The following PCDH9 variants were observed in gnomAD, a reference collection of about 807,000 sequenced individuals.
PCDH9 encodes protocadherin 9.
PCDH9 carries 24 observed loss-of-function variants against 70.6 expected under a neutral mutation model. The observed-to-expected ratio is 0.34, with a 90% CI of 0.25 to 0.48. PCDH9 has a LOEUF of 0.48. PCDH9 is among the 20% of genes least tolerant of loss of function. The pLI is 0.99. For synonymous variants in PCDH9, 562 were observed against 558.5 expected, an observed-to-expected ratio of 1.01 and a Z score of -0.09; for missense variants, 1,281 against 1,503.6, an observed-to-expected ratio of 0.85 and a Z score of 2.45.
At chr13:66,359,756 G>T (rs1956438203) in intron 4 of PCDH9, among the ~76,000 whole-genome samples, 1 of 151,942 alleles carries the variant, frequency 6.6e-6, no homozygotes, top group South Asian at 2.1e-4. Context: ...TGGAAACAAA[G>T]GGCCGTCTTT....
rs2080421456 is a variant in PCDH9 at position 66,807,022 on chromosome 13, C to T, written c.3138+96482G>A. Among the ~76,000 whole-genome samples, 3 of 152,048 alleles carry T rather than the reference C, an allele frequency of 2.0e-5. No individual in the cohort carries two copies. In the South Asian group the frequency reaches 6.2e-4, roughly 32 times the overall value. On this transcript the variant is annotated intron_variant, in intron 3 of 4. Coordinates refer to ENST00000377865, the MANE Select transcript of PCDH9 (RefSeq NM_203487.3). Reference sequence around the variant, plus strand: ...GCAGGCACTTTACTGCTACTTTTTCCTAAAAAATGTAGATATAAGCTCCAC... The same window carrying T: ...GCAGGCACTTTACTGCTACTTTTTCTTAAAAAATGTAGATATAAGCTCCAC...
intron 4 of PCDH9, among the ~76,000 whole-genome samples, chr13:66,596,045 A>G (rs922506496): frequency 5.3e-5 from 8 of 151,730 alleles, no homozygotes; most frequent in African/African-American, 1.4e-4. Flanking sequence ...AGATCATTTA[A>G]CAATAATTTG....
chr13:66,956,389 T>A (rs2083265552), intron 2 of PCDH9, among the ~76,000 whole-genome samples: 1 of 152,082 alleles, frequency 6.6e-6, no homozygotes, highest in Non-Finnish European at 1.5e-5. Flanking sequence ...AGGCTTAAAT[T>A]AAGTATTTTT....
intron 4 of PCDH9, among the ~76,000 whole-genome samples, chr13:66,494,326 T>C (rs1043400894): frequency 6.6e-6 from 1 of 152,164 alleles, no homozygotes; most frequent in Non-Finnish European, 1.5e-5. Flanking sequence ...GACAAGATAC[T>C]GAAACATTCT....
At chr13:66,381,233 C>A (rs1384842205) in intron 4 of PCDH9, among the ~76,000 whole-genome samples, 1 of 152,108 alleles carries the variant, frequency 6.6e-6, no homozygotes, top group East Asian at 1.9e-4. Flanking sequence ...AAAATTACAT[C>A]TTATAAAGAG....
chr13:66,493,733 C>T (rs1015169459), intron 4 of PCDH9, among the ~76,000 whole-genome samples: 6 of 152,062 alleles, frequency 3.9e-5, no homozygotes, highest in African/African-American at 1.4e-4. Context: ...GTGTTAGGCA[C>T]TGATATAATC....
intron 2 of PCDH9, chr13:67,211,602 A>G (rs957165368): frequency 6.6e-6 from 1 of 152,110 alleles, no homozygotes; most frequent in Non-Finnish European, 1.5e-5. Context: ...GTAATAGCCG[A>G]ATTATGACAT....
chr13:67,119,874 G>C (rs1594537981), intron 2 of PCDH9, among the ~76,000 whole-genome samples: 1 of 152,204 alleles, frequency 6.6e-6, no homozygotes, highest in South Asian at 2.1e-4. Flanking sequence ...GTCATGAGTA[G>C]GCTGGGCTGG....
chr13:66,653,084 G>C (rs780191035), intron 3 of PCDH9, among the ~76,000 whole-genome samples: 4 of 152,100 alleles, frequency 2.6e-5, no homozygotes, highest in Admixed American at 6.5e-5. Flanking sequence ...AGTGGTATGG[G>C]CAAAGATTTC....
At chr13:66,751,059 C>T (rs1014077757) in intron 3 of PCDH9, among the ~76,000 whole-genome samples, 1 of 152,118 alleles carries the variant, frequency 6.6e-6, no homozygotes, top group Non-Finnish European at 1.5e-5. Context: ...CATTCTCATG[C>T]TTTTACTTAA....
intron 2 of PCDH9, among the ~76,000 whole-genome samples, chr13:66,929,373 G>C (rs2082769185): frequency 6.6e-6 from 1 of 151,710 alleles, no homozygotes; most frequent in African/African-American, 2.4e-5. Context: ...GCCCAGGCTT[G>C]AGTGCAATGG....
At chr13:66,941,943 A>G (rs370889050) in intron 2 of PCDH9, among the ~76,000 whole-genome samples, 1 of 152,080 alleles carries the variant, frequency 6.6e-6, no homozygotes, top group African/African-American at 2.4e-5. Context: ...TTCCTAAATT[A>G]AAAAAGTAAC....
chr13:67,046,727 C>A (rs1044619682), intron 2 of PCDH9, among the ~76,000 whole-genome samples: 4 of 151,620 alleles, frequency 2.6e-5, no homozygotes, highest in South Asian at 2.1e-4. Flanking sequence ...AATGACTATG[C>A]CATAATATAT....
At chr13:66,408,350 T>C (rs1407573230) in intron 4 of PCDH9, among the ~76,000 whole-genome samples, 3 of 152,228 alleles carry the variant, frequency 2.0e-5, no homozygotes, top group African/African-American at 7.2e-5. Context: ...ACTGAGGAAT[T>C]GTCTCCATTC....
intron 2 of PCDH9, among the ~76,000 whole-genome samples, chr13:67,063,434 ATACT>A (rs1323098675): frequency 2.0e-5 from 3 of 152,044 alleles, no homozygotes; most frequent in African/African-American, 7.2e-5. Context: ...CATAATTTTA[ATACT>A]TACAATAACT....
intron 2 of PCDH9, among the ~76,000 whole-genome samples, chr13:67,052,333 T>A (rs1269064078): frequency 1.3e-5 from 2 of 151,892 alleles, no homozygotes; most frequent in African/African-American, 4.8e-5. Flanking sequence ...GGGAGATGAT[T>A]TCAGGCAGTG....
At chr13:66,841,632 C>T (rs908395509) in intron 3 of PCDH9, among the ~76,000 whole-genome samples, 1 of 152,048 alleles carries the variant, frequency 6.6e-6, no homozygotes, top group Non-Finnish European at 1.5e-5. Flanking sequence ...CCATTCCATC[C>T]ACTTTTGTTG....
At chr13:66,661,755 T>A (rs2078011795) in intron 3 of PCDH9, among the ~76,000 whole-genome samples, 1 of 152,208 alleles carries the variant, frequency 6.6e-6, no homozygotes, top group African/African-American at 2.4e-5. Context: ...AATGGAACTA[T>A]ATGACTAACT....
chr13:66,439,724 G>A (rs9317588), intron 4 of PCDH9, among the ~76,000 whole-genome samples: 57,792 of 151,956 alleles, frequency 0.38, 11,894 homozygotes, highest in East Asian at 0.51. Context: ...TATTTATGGT[G>A]TTAGGCTTCA....
Sources: gnomAD v4.1 joint callset for allele counts (sites outside exome capture counted in the v4.1 genomes callset) on GRCh38, gnomAD v4.1.1 for gene constraint, MANE v1.5 for transcripts, NCBI Gene and HGNC (gene_info 2026-07-23, HGNC 2026-07-21) for gene names.